The following FAAH2 variants were observed in gnomAD, a reference collection of about 807,000 sequenced individuals.
FAAH2 encodes fatty-acid amide hydrolase 2.
In FAAH2, 60 loss-of-function variants were observed where a neutral mutation model predicts 36.9. That is an observed-to-expected ratio of 1.63 (90% CI 1.32 to 2.02). The LOEUF is 2.02. Among genes scored for constraint, FAAH2 ranks in the 30% most tolerant of loss-of-function variants. The probability of loss-of-function intolerance (pLI) is 0.00; values close to 1 mark genes in which losing one functional copy is unlikely to be tolerated. For synonymous variants in FAAH2, 214 were observed against 143.8 expected (o/e 1.49, Z -3.49); for missense variants, 689 against 397.5 (o/e 1.73, Z -6.23).
intron 8 of FAAH2, among the ~76,000 whole-genome samples, chrX:57,445,459 T>C (rs1463199479): frequency 9.0e-6 from 1 of 111,522 alleles, no homozygotes; most frequent in Non-Finnish European, 1.9e-5. Context: ...GCTAGCACAG[T>C]ACGGGGTCTC....
chrX:57,382,403 G>T (rs2054877359), intron 7 of FAAH2, among the ~76,000 whole-genome samples: 1 of 111,090 alleles, frequency 9.0e-6, no homozygotes, highest in Non-Finnish European at 1.9e-5. Flanking sequence ...TTTTTGACAA[G>T]ATCAACAAAA....
chrX:57,418,162 G>A (rs2055895911), intron 7 of FAAH2, among the ~76,000 whole-genome samples: 1 of 111,955 alleles, frequency 8.9e-6, no homozygotes, highest in African/African-American at 3.2e-5. Context: ...TCACTTGCTG[G>A]GTTCCATGGG....
chrX:57,381,795 G>T (rs919668618), intron 7 of FAAH2, among the ~76,000 whole-genome samples: 4 of 110,831 alleles, frequency 3.6e-5, no homozygotes, highest in South Asian at 3.8e-4. Flanking sequence ...GGATATCCAG[G>T]AATTGAATTC....
the FAAH2 span, among the ~76,000 whole-genome samples, chrX:57,231,919 T>G: frequency 9.0e-6 from 1 of 111,623 alleles, no homozygotes; most frequent in African/African-American, 3.3e-5. Flanking sequence ...TTTGGTGGGC[T>G]AGGAAGATAA....
the FAAH2 span, among the ~76,000 whole-genome samples, chrX:57,151,943 A>G: frequency 9.0e-6 from 1 of 110,976 alleles, no homozygotes; most frequent in African/African-American, 3.3e-5. Flanking sequence ...TTTGGTGGGG[A>G]TGCCCTTTCT....
chrX:57,262,829 C>T, the FAAH2 span, among the ~76,000 whole-genome samples: 1 of 111,390 alleles, frequency 9.0e-6, no homozygotes, highest in African/African-American at 3.2e-5. Flanking sequence ...ACAATTTATT[C>T]CCTATATATT....
intron 2 of FAAH2, among the ~76,000 whole-genome samples, chrX:57,295,753 C>T (rs1011115515): frequency 8.9e-6 from 1 of 112,021 alleles, no homozygotes; most frequent in African/African-American, 3.2e-5. Context: ...GGGTCACTCC[C>T]ACCCTAATAC....
intron 3 of FAAH2, 75 bp from the exon 4 acceptor site, chrX:57,331,523 C>A (rs1465810409): frequency 1.1e-6 from 1 of 902,615 alleles, no homozygotes; most frequent in Non-Finnish European, 1.5e-6. Context: ...ATCTAGTTGG[C>A]CATCTTGCCC....
the FAAH2 span, among the ~76,000 whole-genome samples, chrX:57,165,908 C>A: frequency 2.7e-5 from 3 of 110,109 alleles, no homozygotes; most frequent in South Asian, 1.2e-3. Flanking sequence ...TTTTCCAAGA[C>A]CACCTTGGCC....
At chrX:57,460,259 C>T (rs894532669) in intron 10 of FAAH2, among the ~76,000 whole-genome samples, 4 of 111,340 alleles carry the variant, frequency 3.6e-5, no homozygotes, top group Non-Finnish European at 7.5e-5. Flanking sequence ...GGAAAACTTC[C>T]CCAACCTAGC....
chrX:57,227,115 G>C, the FAAH2 span, among the ~76,000 whole-genome samples: 1 of 110,995 alleles, frequency 9.0e-6, no homozygotes, highest in Non-Finnish European at 1.9e-5. Flanking sequence ...ATCTCTCCCT[G>C]ATTAGCTTAA....
At chrX:57,287,862 A>C (rs2051853084) in intron 1 of FAAH2, among the ~76,000 whole-genome samples, 1 of 111,333 alleles carries the variant, frequency 9.0e-6, no homozygotes, top group South Asian at 3.8e-4. Context: ...AAGAATAGGC[A>C]TGCAGCAAAT....
chrX:57,429,901 A>G (rs1489459907), intron 7 of FAAH2, among the ~76,000 whole-genome samples: 5 of 111,228 alleles, frequency 4.5e-5, no homozygotes, highest in Non-Finnish European at 9.4e-5. Flanking sequence ...ATGGAACTGG[A>G]GGCCATTGTC....
At chrX:57,308,596 C>T (rs1162241796) in intron 2 of FAAH2, among the ~76,000 whole-genome samples, 1 of 111,696 alleles carries the variant, frequency 9.0e-6, no homozygotes, top group Non-Finnish European at 1.9e-5. Context: ...TATTACATCA[C>T]ATGAGTGTCA....
chrX:57,188,053 A>T, the FAAH2 span, among the ~76,000 whole-genome samples: 1 of 111,537 alleles, frequency 9.0e-6, no homozygotes, highest in Non-Finnish European at 1.9e-5. Flanking sequence ...CCAGGTTTTG[A>T]TATCAGGATG....
At chrX:57,207,286 T>C in the FAAH2 span, among the ~76,000 whole-genome samples, 3 of 111,372 alleles carry the variant, frequency 2.7e-5, no homozygotes, top group Non-Finnish European at 5.6e-5. Flanking sequence ...TCTCAGGTTG[T>C]CCATCAGGCC....
chrX:57,201,431 T>TAAA, the FAAH2 span, among the ~76,000 whole-genome samples: 1 of 100,199 alleles, frequency 1.0e-5, no homozygotes, highest in African/African-American at 3.6e-5. Context: ...TTTTACTCCA[T>TAAA]AAAAAAAAAA....
rs773036074 is a variant in FAAH2, at chrX:57,394,169, C to T, written c.996+13140C>T. ...AGGAATGACCTGGGAGTAGCCGCCT[C>T]CTGCAACACCACCTTTTATTCCAAA... On this transcript the variant is annotated intron_variant, in intron 7 of 10. Transcript: ENST00000374900. 8.8e-5 allele frequency: 57 copies of T among 645,219 alleles called. No individual in the cohort carries two copies. The African/African-American group carries it at 1.1e-3, about 12-fold the overall frequency. The allele number at this position is 645,219 out of a possible 1,213,427, so 53.2% of individuals were successfully genotyped here.
upstream of FAAH2, among the ~76,000 whole-genome samples, chrX:57,284,942 G>T: frequency 8.9e-6 from 1 of 112,250 alleles, no homozygotes; most frequent in African/African-American, 3.2e-5. Context: ...AGCCCAATCA[G>T]TGAGCATTCT....
Sources: gnomAD v4.1 joint callset for allele counts (sites outside exome capture counted in the v4.1 genomes callset) on GRCh38, gnomAD v4.1.1 for gene constraint, MANE v1.5 for transcripts, NCBI Gene and HGNC (gene_info 2026-07-23, HGNC 2026-07-21) for gene names.